ADAMTS3: variants seen among roughly 807,000 people sequenced by gnomAD.
ADAMTS3 encodes A disintegrin and metalloproteinase with thrombospondin motifs 3.
A neutral mutation model predicts 129.0 loss-of-function variants in ADAMTS3; 73 were observed. The observed-to-expected ratio is 0.57, with a 90% CI of 0.47 to 0.69. The LOEUF (loss-of-function observed/expected upper bound fraction) is 0.69, where lower values mean the gene tolerates loss of function less well. ADAMTS3 is among the 30% of genes least tolerant of loss of function. ADAMTS3 has a pLI of 0.00. For synonymous variants in ADAMTS3, 477 were observed against 510.8 expected, an observed-to-expected ratio of 0.93 and a Z score of 0.89; for missense variants, 1,457 against 1,514.5, an observed-to-expected ratio of 0.96 and a Z score of 0.63.
intron 3 of ADAMTS3, among the ~76,000 whole-genome samples, chr4:72,457,568 T>G (rs376579825): frequency 6.7e-4 from 101 of 151,772 alleles, no homozygotes; most frequent in Non-Finnish European, 1.3e-3. Context: ...ATGGTTCTGT[T>G]ACCAATAAAC....
rs752576667 is a variant in ADAMTS3 at position 72,291,068 on chromosome 4, G to A, written c.2724-6C>T. 8.1e-6 allele frequency: 13 copies of A among 1,613,690 alleles called. 1 individual carries two copies. The South Asian group carries it at 1.4e-4, about 18-fold the overall frequency. On this transcript the variant is annotated splice_region_variant and splice_polypyrimidine_tract_variant and intron_variant, in intron 19 of 21. Coordinates refer to ENST00000286657, the MANE Select transcript of ADAMTS3 (RefSeq NM_014243.3). ...CCCATTCTTCTGCTACCCAGCTGTG[G>A]GTGCGGGGATTTAATATTGCAATTA...
intron 4 of ADAMTS3, among the ~76,000 whole-genome samples, chr4:72,385,138 C>T (rs1304030839): frequency 1.3e-5 from 2 of 151,712 alleles, no homozygotes; most frequent in South Asian, 2.1e-4. Context: ...CGAGATCCTG[C>T]CACTGCACTC....
At chr4:72,341,964 C>G (rs1720148943) in intron 4 of ADAMTS3, among the ~76,000 whole-genome samples, 1 of 152,132 alleles carries the variant, frequency 6.6e-6, no homozygotes, top group Admixed American at 6.6e-5. Context: ...GCACTTTTTA[C>G]TTATACTCAT....
intron 13 of ADAMTS3, 150 bp from the exon 14 acceptor site, chr4:72,311,331 G>A: frequency 1.4e-6 from 1 of 712,216 alleles, no homozygotes; most frequent in Non-Finnish European, 2.1e-6. Context: ...GGAGTAAGGA[G>A]GAAAGTATGT....
chr4:72,283,290 C>T lies in ADAMTS3; in HGVS notation c.3464G>A (p.Arg1155Lys), dbSNP rs745305778. 3.1e-6 allele frequency: 5 copies of T among 1,614,024 alleles called. No individual in the cohort carries two copies. Among genetic ancestry groups the T allele is most frequent in the Non-Finnish European group, 4.2e-6 (5 of 1,179,952 alleles). Residue 1155 changes from arginine (R) to lysine (K), a missense_variant, in exon 22 of 22, where the codon AGG (arginine) becomes AAG (lysine). Arg to Lys is a conservative substitution (Grantham distance 26). Coordinates refer to ENST00000286657, the MANE Select transcript of ADAMTS3 (RefSeq NM_014243.3). ...TTGTGAAGCTGAACTGAGGTGGACCCTCTTGGTGGGTGGGGAGGATGGTAC... is the reference window on the plus strand; with the variant it reads ...TTGTGAAGCTGAACTGAGGTGGACCTTCTTGGTGGGTGGGGAGGATGGTAC... ...VTVPSSPPTK[R>K]VHLSSASQMA... is the part of the protein sequence containing the mutation.
chr4:72,323,664 T>C (rs1174039905), intron 5 of ADAMTS3, among the ~76,000 whole-genome samples: 1 of 152,128 alleles, frequency 6.6e-6, no homozygotes, highest in African/African-American at 2.4e-5. Flanking sequence ...AATCCTCCAA[T>C]ATTTAAGTTA....
At chr4:72,554,497 TA>T (rs1164339578) in intron 2 of ADAMTS3, among the ~76,000 whole-genome samples, 2 of 152,152 alleles carry the variant, frequency 1.3e-5, no homozygotes, top group African/African-American at 2.4e-5. Context: ...TTAATATATC[TA>T]AACCAAACTG....
At chr4:72,313,345 T>C (rs561927434) in intron 12 of ADAMTS3, among the ~76,000 whole-genome samples, 1 of 152,256 alleles carries the variant, frequency 6.6e-6, no homozygotes, top group South Asian at 2.1e-4. Context: ...TCCTGGACAC[T>C]CTCTTGTTTC....
At chr4:72,322,543 T>C (rs1190106746) in intron 6 of ADAMTS3, among the ~76,000 whole-genome samples, 2 of 152,202 alleles carry the variant, frequency 1.3e-5, no homozygotes, top group Admixed American at 1.3e-4. Flanking sequence ...TATATGTATA[T>C]AAAATATTGT....
At chr4:72,516,249 A>G (rs1416636319) in intron 3 of ADAMTS3, among the ~76,000 whole-genome samples, 3 of 152,136 alleles carry the variant, frequency 2.0e-5, no homozygotes, top group Admixed American at 1.3e-4. Context: ...GCCTTGTAGT[A>G]TAGTTTCAAG....
At chr4:72,537,400 CT>C (rs1013561000) in intron 3 of ADAMTS3, among the ~76,000 whole-genome samples, 3 of 151,386 alleles carry the variant, frequency 2.0e-5, no homozygotes, top group Non-Finnish European at 2.9e-5. Flanking sequence ...ATAGAGATAG[CT>C]TTTTTTTTCA....
At chr4:72,470,148 G>A (rs1719028959) in intron 3 of ADAMTS3, among the ~76,000 whole-genome samples, 1 of 152,022 alleles carries the variant, frequency 6.6e-6, no homozygotes, top group Admixed American at 6.6e-5. Flanking sequence ...GCTCAATACT[G>A]TTTTAGTCTA....
At chr4:72,445,530 A>C (rs537632873) in intron 3 of ADAMTS3, among the ~76,000 whole-genome samples, 13 of 151,864 alleles carry the variant, frequency 8.6e-5, no homozygotes, top group South Asian at 4.1e-4. Context: ...AGGAACTTTT[A>C]ATGCCCTTAT....
At chr4:72,484,797 A>G (rs1489965064) in intron 3 of ADAMTS3, among the ~76,000 whole-genome samples, 1 of 152,212 alleles carries the variant, frequency 6.6e-6, no homozygotes, top group East Asian at 1.9e-4. Flanking sequence ...TACTCAGGTA[A>G]CAAGGAAAAA....
chr4:72,407,881 T>C (rs1722089341), intron 4 of ADAMTS3, among the ~76,000 whole-genome samples: 1 of 152,118 alleles, frequency 6.6e-6, no homozygotes, highest in Non-Finnish European at 1.5e-5. Flanking sequence ...TAGTTGGTTG[T>C]TTATGACAAT....
intron 4 of ADAMTS3, among the ~76,000 whole-genome samples, chr4:72,355,038 T>C (rs1380341172): frequency 1.3e-5 from 2 of 151,980 alleles, no homozygotes; most frequent in Non-Finnish European, 2.9e-5. Context: ...CCTTTTGGCA[T>C]TGGCCAAACA....
intron 3 of ADAMTS3, among the ~76,000 whole-genome samples, chr4:72,526,494 A>G (rs981560209): frequency 6.6e-6 from 1 of 151,108 alleles, no homozygotes; most frequent in African/African-American, 2.4e-5. Flanking sequence ...AAATATACTA[A>G]TAAATATATA....
intron 3 of ADAMTS3, among the ~76,000 whole-genome samples, chr4:72,518,170 G>C (rs551765392): frequency 1.8e-4 from 28 of 152,186 alleles, no homozygotes; most frequent in South Asian, 1.7e-3. Context: ...TTAATCCTGA[G>C]TTCTAGTTTG....
intron 4 of ADAMTS3, among the ~76,000 whole-genome samples, chr4:72,364,612 TAAA>T (rs78613730): frequency 2.2e-5 from 3 of 139,230 alleles, no homozygotes; most frequent in Admixed American, 7.2e-5. Context: ...AGACTCCGTT[TAAA>T]AAAAAAAAAA....
Sources: gnomAD v4.1 joint callset for allele counts (sites outside exome capture counted in the v4.1 genomes callset) on GRCh38, gnomAD v4.1.1 for gene constraint, MANE v1.5 for transcripts, NCBI Gene and HGNC (gene_info 2026-07-23, HGNC 2026-07-21) for gene names.